PRKCE: variants seen among roughly 807,000 people sequenced by gnomAD.
The protein encoded by PRKCE is protein kinase C epsilon type.
A neutral mutation model predicts 85.4 loss-of-function variants in PRKCE; 16 were observed. The observed-to-expected ratio is 0.19, with a 90% confidence interval of 0.13 to 0.28. The LOEUF (loss-of-function observed/expected upper bound fraction) is 0.28. Ranked by LOEUF, PRKCE falls within the 10% of genes least tolerant of loss-of-function variation. PRKCE has a pLI of 1.00. For synonymous variants in PRKCE, 388 were observed against 371.5 expected, an observed-to-expected ratio of 1.04 and a Z score of -0.51; for missense variants, 573 against 975.2, an observed-to-expected ratio of 0.59 and a Z score of 5.49.
At chr2:45,771,520 G>A (rs752705248) in intron 1 of PRKCE, among the ~76,000 whole-genome samples, 43 of 152,102 alleles carry the variant, frequency 2.8e-4, no homozygotes, top group Non-Finnish European at 4.7e-4. Flanking sequence ...CTGACAGCAG[G>A]CACAACACAG....
At chr2:45,667,077 G>A (rs577352666) in intron 1 of PRKCE, among the ~76,000 whole-genome samples, 24 of 152,260 alleles carry the variant, frequency 1.6e-4, no homozygotes, top group Admixed American at 9.8e-4. Context: ...TTGGGAGGCC[G>A]GGGCGGGCGA....
At chr2:45,773,243 G>A (rs1276079025) in intron 1 of PRKCE, among the ~76,000 whole-genome samples, 2 of 152,210 alleles carry the variant, frequency 1.3e-5, no homozygotes, top group African/African-American at 4.8e-5. Context: ...GGTCACCCAG[G>A]CTACAGGAGG....
chr2:45,678,150 G>A (rs926426405), intron 1 of PRKCE, among the ~76,000 whole-genome samples: 50 of 152,186 alleles, frequency 3.3e-4, no homozygotes, highest in Non-Finnish European at 6.8e-4. Flanking sequence ...GTGTGCATAT[G>A]TGAATACATA....
intron 1 of PRKCE, among the ~76,000 whole-genome samples, chr2:45,769,268 A>G (rs1371512879): frequency 6.6e-6 from 1 of 152,158 alleles, no homozygotes; most frequent in African/African-American, 2.4e-5. Flanking sequence ...ACTGTGAGTC[A>G]AGCTGCATTT....
chr2:45,922,461 T>C (rs890014207), intron 2 of PRKCE, among the ~76,000 whole-genome samples: 11 of 152,086 alleles, frequency 7.2e-5, no homozygotes, highest in Admixed American at 1.3e-4. Context: ...TGCTTCAGAG[T>C]TTCCATGGAG....
Position 46,187,245 on chromosome 2 carries a change from C to T in PRKCE, c.*2364C>T, listed in dbSNP as rs991042769. ...GGCAGTGGGAACTGGGCCTTTCCTA[C>T]AGGACAACTGGCAAGTTTGCTGGGA... On this transcript the variant is annotated 3_prime_UTR_variant, in exon 15 of 15. Transcript: ENST00000306156. 1 of 152,600 alleles carries T rather than the reference C, an allele frequency of 6.6e-6. No individual in the cohort carries two copies. Among genetic ancestry groups the T allele is most frequent in the African/African-American group, 2.4e-5 (1 of 41,440 alleles). The allele number at this position is 152,600 out of a possible 1,614,324, so 9.5% of individuals were successfully genotyped here.
intron 10 of PRKCE, among the ~76,000 whole-genome samples, chr2:46,052,213 G>A (rs542680825): frequency 6.6e-6 from 1 of 152,316 alleles, no homozygotes; most frequent in Non-Finnish European, 1.5e-5. Context: ...GGTAGTGTGT[G>A]CAGAGAACAC....
At chr2:45,936,262 G>C (rs938974832) in intron 2 of PRKCE, among the ~76,000 whole-genome samples, 2 of 152,220 alleles carry the variant, frequency 1.3e-5, no homozygotes, top group African/African-American at 2.4e-5. Context: ...CAGGTTAAGA[G>C]GTTATTAGAC....
At chr2:45,696,852 C>A (rs1057164911) in intron 1 of PRKCE, among the ~76,000 whole-genome samples, 19 of 152,124 alleles carry the variant, frequency 1.2e-4, no homozygotes, top group African/African-American at 4.6e-4. Context: ...GGCTTTGAAG[C>A]CCTGGTGAGG....
intron 2 of PRKCE, among the ~76,000 whole-genome samples, chr2:45,862,106 G>A (rs369892077): frequency 5.3e-5 from 8 of 151,170 alleles, no homozygotes; most frequent in Non-Finnish European, 1.2e-4. Context: ...GAGTTTATAT[G>A]TATGTAAAAC....
At chr2:46,024,531 A>G (rs866033701) in intron 10 of PRKCE, among the ~76,000 whole-genome samples, 3 of 152,112 alleles carry the variant, frequency 2.0e-5, no homozygotes, top group African/African-American at 7.2e-5. Flanking sequence ...TATGTAATCC[A>G]TTTTATCGGG....
At chr2:46,158,131 A>C (rs1574627984) in intron 13 of PRKCE, among the ~76,000 whole-genome samples, 1 of 152,226 alleles carries the variant, frequency 6.6e-6, no homozygotes, top group African/African-American at 2.4e-5. Flanking sequence ...TTCCTAAATC[A>C]TAGAGCTCAC....
chr2:45,985,523 A>T (rs1212310177), intron 6 of PRKCE, among the ~76,000 whole-genome samples: 3 of 152,218 alleles, frequency 2.0e-5, no homozygotes, highest in African/African-American at 7.2e-5. Flanking sequence ...TGTATTATTC[A>T]TAAATTCCCA....
intron 10 of PRKCE, among the ~76,000 whole-genome samples, chr2:46,038,499 G>T (rs1356303340): frequency 3.3e-5 from 5 of 152,122 alleles, no homozygotes; most frequent in Non-Finnish European, 5.9e-5. Flanking sequence ...CAAGCAATGT[G>T]TGAACTTAAA....
chr2:45,910,050 C>CG (rs896402985), intron 2 of PRKCE, among the ~76,000 whole-genome samples: 12 of 152,054 alleles, frequency 7.9e-5, no homozygotes, highest in South Asian at 4.2e-4. Flanking sequence ...ACCGCCCCCC[C>CG]CCAGCCAAGT....
intron 14 of PRKCE, among the ~76,000 whole-genome samples, chr2:46,175,691 G>A (rs1679353764): frequency 6.6e-6 from 1 of 152,178 alleles, no homozygotes; most frequent in Non-Finnish European, 1.5e-5. Flanking sequence ...GGCATTTAAA[G>A]AAACCAGTCT....
intron 1 of PRKCE, among the ~76,000 whole-genome samples, chr2:45,824,670 A>G (rs1056638179): frequency 1.3e-5 from 2 of 152,114 alleles, no homozygotes; most frequent in African/African-American, 2.4e-5. Flanking sequence ...ATATTCAAAA[A>G]TAGAGCAGAA....
At chr2:45,713,681 G>A (rs1339734496) in intron 1 of PRKCE, among the ~76,000 whole-genome samples, 1 of 152,190 alleles carries the variant, frequency 6.6e-6, no homozygotes, top group African/African-American at 2.4e-5. Context: ...GGCCAAGAAG[G>A]GGGAAGGCAG....
chr2:45,976,508 C>G lies in PRKCE; in HGVS notation c.492C>G (p.Val164=). The change falls in exon 3 of 15, where the codon GTC becomes GTG. Residue 164 remains valine (V), a synonymous_variant. Coordinates refer to ENST00000306156, the MANE Select transcript of PRKCE (RefSeq NM_005400.3). ...RKRQGAVRRR[V]HQVNGHKFMA... ...GGCAGGGGGCCGTCAGGCGCAGGGT[C>G]CATCAGGTCAACGGCCACAAGTTCA... is the stretch of plus-strand genomic sequence containing the variant. 1 of 1,599,732 alleles carries G rather than the reference C, an allele frequency of 6.3e-7. No individual in the cohort carries two copies. The highest frequency in any genetic ancestry group is 8.5e-7 in the Non-Finnish European group (1 of 1,179,948).
Sources: allele counts gnomAD v4.1 joint callset (sites outside exome capture counted in the v4.1 genomes callset), GRCh38; gene constraint gnomAD v4.1.1; transcripts MANE v1.5; gene names NCBI Gene and HGNC (gene_info 2026-07-23, HGNC 2026-07-21).